Variants in COL10A1 observed in about 807,000 individuals in gnomAD.
COL10A1 encodes collagen type X alpha 1 chain, also known as collagen alpha-1(X) chain.
In COL10A1, 10 loss-of-function variants were observed where a neutral mutation model predicts 18.2. That is an observed-to-expected ratio of 0.55 (90% CI 0.34 to 0.93). The LOEUF (loss-of-function observed/expected upper bound fraction) is 0.93. Ranked by LOEUF, COL10A1 falls within the 40% of genes least tolerant of loss-of-function variation. The pLI is 0.02. For synonymous variants in COL10A1, 330 were observed against 316.6 expected (o/e 1.04, Z -0.45); for missense variants, 897 against 853.5 (o/e 1.05, Z -0.64).
At chr6:116,124,825 T>G (rs1779244190) in intron 2 of COL10A1, among the ~76,000 whole-genome samples, 1 of 152,202 alleles carries the variant, frequency 6.6e-6, no homozygotes, top group Non-Finnish European at 1.5e-5. Context: ...TGCTTGGCAA[T>G]TCTCATAATT....
chr6:116,176,145 T>C, the COL10A1 span, among the ~76,000 whole-genome samples: 2 of 152,330 alleles, frequency 1.3e-5, no homozygotes, highest in East Asian at 3.9e-4. Context: ...TTTTGCTACC[T>C]ATGGTAGACC....
chr6:116,161,940 A>G (rs1298975645), upstream of COL10A1, among the ~76,000 whole-genome samples: 1 of 152,076 alleles, frequency 6.6e-6, no homozygotes, highest in Non-Finnish European at 1.5e-5. Flanking sequence ...ACCATCTTAA[A>G]TGTATTCCTA....
chr6:116,198,467 TGCTTATAATACCA>T, the COL10A1 span, among the ~76,000 whole-genome samples: 18 of 152,008 alleles, frequency 1.2e-4, no homozygotes, highest in Non-Finnish European at 2.4e-4. Flanking sequence ...TAGTGACTCA[TGCTTATAATACCA>T]GCAGTTTGGG....
chr6:116,128,199 T>C (rs891795335), upstream of COL10A1, among the ~76,000 whole-genome samples: 4 of 152,190 alleles, frequency 2.6e-5, no homozygotes, highest in African/African-American at 9.6e-5. Flanking sequence ...CCTTATTGAA[T>C]AAGCCTTGGA....
At chr6:116,194,959 A>G in the COL10A1 span, among the ~76,000 whole-genome samples, 2 of 152,110 alleles carry the variant, frequency 1.3e-5, no homozygotes. Context: ...TGCCATCCCC[A>G]AATCTGGAAG....
the COL10A1 span, among the ~76,000 whole-genome samples, chr6:116,212,502 C>T: frequency 1.3e-5 from 2 of 152,078 alleles, no homozygotes; most frequent in Non-Finnish European, 2.9e-5. Context: ...TGAAATACAA[C>T]TCTGCATACT....
rs574461446 is a variant in COL10A1, at chr6:116,153,438, T to C, written c.-16+5176A>G. ...AGTTATCTTTAAGCATAGTGTTTTATAGAGTCTCTATTCCACTGGAGTTCA... is the reference window on the plus strand; with the variant it reads ...AGTTATCTTTAAGCATAGTGTTTTACAGAGTCTCTATTCCACTGGAGTTCA... On this transcript the variant is annotated intron_variant, in intron 1 of 1. Transcript: ENST00000418500. Among the ~76,000 whole-genome samples the C allele has an allele frequency of 5.9e-5, 9 of 152,268 alleles. No individual in the cohort carries two copies. The South Asian group carries it at 8.3e-4, about 14-fold the overall frequency.
the COL10A1 span, among the ~76,000 whole-genome samples, chr6:116,187,808 T>C: frequency 6.6e-6 from 1 of 152,052 alleles, no homozygotes; most frequent in Non-Finnish European, 1.5e-5. Flanking sequence ...TAATGAAATA[T>C]TTCTTAAATA....
At chr6:116,183,742 A>G in the COL10A1 span, among the ~76,000 whole-genome samples, 2 of 151,790 alleles carry the variant, frequency 1.3e-5, no homozygotes, top group African/African-American at 4.8e-5. Flanking sequence ...ATTTTTGTAC[A>G]TTAATTTTGT....
In COL10A1 at chr6:116,121,340, C is replaced by T. The variant is rs1448634130; in HGVS notation, c.776G>A (p.Gly259Glu). ...TCCTGGCTTTCCAATGCCTTCTGGC[C>T]CTCGTTCCCCAGGAGGGCCTTGGGG... is the stretch of plus-strand genomic sequence containing the variant. ...PGPQGPPGERGPEGIGKPGAA... is the reference protein window; with the variant it reads ...PGPQGPPGEREPEGIGKPGAA... The change falls in exon 3 of 3, where the codon GGG becomes GAG. Residue 259 changes from glycine to glutamate, a missense_variant. Gly to Glu is a moderately conservative substitution (Grantham distance 98). Coordinates refer to ENST00000651968, the MANE Select transcript of COL10A1 (RefSeq NM_000493.4). The T allele has an allele frequency of 1.9e-6, 3 of 1,613,988 alleles. No homozygotes were observed. Among genetic ancestry groups the T allele is most frequent in the Admixed American group, 1.7e-5 (1 of 60,024 alleles).
At chr6:116,199,999 T>C in the COL10A1 span, among the ~76,000 whole-genome samples, 55 of 115,454 alleles carry the variant, frequency 4.8e-4, no homozygotes, top group South Asian at 1.8e-3. Flanking sequence ...GTATGGAAAG[T>C]GGGGGGGGAA....
the COL10A1 span, among the ~76,000 whole-genome samples, chr6:116,204,135 G>A: frequency 6.6e-6 from 1 of 151,948 alleles, no homozygotes; most frequent in South Asian, 2.1e-4. Context: ...ATGCACTGCT[G>A]TGAGCCTGAA....
At chr6:116,210,172 C>T in the COL10A1 span, among the ~76,000 whole-genome samples, 1 of 151,956 alleles carries the variant, frequency 6.6e-6, no homozygotes, top group African/African-American at 2.4e-5. Flanking sequence ...TTTGGTGTTT[C>T]AATTTTCCTT....
the COL10A1 span, among the ~76,000 whole-genome samples, chr6:116,204,168 ACT>A: frequency 6.6e-6 from 1 of 151,814 alleles, no homozygotes; most frequent in Non-Finnish European, 1.5e-5. Flanking sequence ...GGTAAGAAAC[ACT>A]TCAGGAGTTA....
At chr6:116,183,160 C>A in the COL10A1 span, among the ~76,000 whole-genome samples, 1 of 151,916 alleles carries the variant, frequency 6.6e-6, no homozygotes, top group East Asian at 1.9e-4. Context: ...TTTTTGTTTG[C>A]TTTGTCGAAG....
At chr6:116,162,639 G>C (rs1438248555), upstream of COL10A1, among the ~76,000 whole-genome samples, 2 of 152,160 alleles carry the variant, frequency 1.3e-5, no homozygotes, top group African/African-American at 4.8e-5. Flanking sequence ...TGATCGTGAT[G>C]AATTATCTTT....
intron 1 of COL10A1, among the ~76,000 whole-genome samples, chr6:116,148,208 G>T (rs1355805098): frequency 6.6e-6 from 1 of 152,076 alleles, no homozygotes; most frequent in Non-Finnish European, 1.5e-5. Flanking sequence ...GGCAAATTGA[G>T]TAAGTTGGGG....
chr6:116,162,910 G>A (rs575293203), upstream of COL10A1, among the ~76,000 whole-genome samples: 5 of 151,830 alleles, frequency 3.3e-5, no homozygotes, highest in East Asian at 1.9e-4. Context: ...GGCAGATCAC[G>A]AGGTCAGGAG....
chr6:116,180,466 GACTGCTAAA>G, the COL10A1 span, among the ~76,000 whole-genome samples: 1 of 152,032 alleles, frequency 6.6e-6, no homozygotes, highest in African/African-American at 2.4e-5. Context: ...GATCATTAAT[GACTGCTAAA>G]ACTGCTAAAA....
Sources: allele counts gnomAD v4.1 joint callset (sites outside exome capture counted in the v4.1 genomes callset), GRCh38; gene constraint gnomAD v4.1.1; transcripts MANE v1.5; gene names NCBI Gene and HGNC (gene_info 2026-07-23, HGNC 2026-07-21).